Variants in SND1 observed in about 807,000 individuals in gnomAD.
SND1 encodes the protein staphylococcal nuclease domain-containing protein 1.
SND1 carries 38 observed loss-of-function variants against 121.7 expected under a neutral mutation model. The ratio of observed to expected loss-of-function variants is 0.31; its 90% CI spans 0.24 to 0.41. SND1 has a LOEUF of 0.41. Among genes scored for constraint, SND1 ranks in the 10% least tolerant of loss-of-function variants. The probability of loss-of-function intolerance (pLI) is 1.00; values close to 1 mark genes in which losing one functional copy is unlikely to be tolerated. For synonymous variants in SND1, 401 were observed against 447.4 expected (o/e 0.90, Z 1.31); for missense variants, 868 against 1,184.6 (o/e 0.73, Z 3.92).
chr7:128,028,577 T>A (rs908811046), intron 16 of SND1: 97 of 1,083,850 alleles, frequency 8.9e-5, no homozygotes, highest in Non-Finnish European at 1.2e-4. Flanking sequence ...ATAGACTTAA[T>A]ATATAAGCAT....
intron 16 of SND1, chr7:127,999,752 G>A (rs1802775992): frequency 6.6e-6 from 1 of 152,132 alleles, no homozygotes; most frequent in Non-Finnish European, 1.5e-5. Context: ...GCCACTCATG[G>A]TATTCGATAC....
chr7:127,708,620 T>C (rs1030754901), intron 9 of SND1, among the ~76,000 whole-genome samples: 1 of 152,024 alleles, frequency 6.6e-6, no homozygotes, highest in African/African-American at 2.4e-5. Context: ...GAGTTTTCCA[T>C]TGATATGTCT....
intron 11 of SND1, among the ~76,000 whole-genome samples, chr7:127,815,293 T>C (rs1170131757): frequency 6.6e-6 from 1 of 152,080 alleles, no homozygotes; most frequent in African/African-American, 2.4e-5. Flanking sequence ...TACTGGATTA[T>C]GATGGACCCT....
At chr7:128,002,679 G>A (rs1802864902) in intron 16 of SND1, among the ~76,000 whole-genome samples, 2 of 152,196 alleles carry the variant, frequency 1.3e-5, no homozygotes, top group South Asian at 4.1e-4. Context: ...TTTTTCTGTT[G>A]ATGCAGGTCC....
At chr7:127,773,258 T>C (rs1004065548) in intron 10 of SND1, among the ~76,000 whole-genome samples, 4 of 152,044 alleles carry the variant, frequency 2.6e-5, no homozygotes, top group African/African-American at 9.7e-5. Context: ...TCTAGACCAT[T>C]CTGTCCAACA....
chr7:127,694,706 C>T, intron 2 of SND1, 122 bp from the exon 3 acceptor site: 1 of 1,118,022 alleles, frequency 8.9e-7, no homozygotes, highest in Non-Finnish European at 1.3e-6. Context: ...TCTCAAGGTC[C>T]AGCGCAGGGC....
intron 10 of SND1, among the ~76,000 whole-genome samples, chr7:127,752,245 T>TG (rs1797109497): frequency 6.6e-6 from 1 of 152,170 alleles, no homozygotes; most frequent in Non-Finnish European, 1.5e-5. Flanking sequence ...TGGTGTCTTG[T>TG]GGTTTCAAAA....
intron 16 of SND1, among the ~76,000 whole-genome samples, chr7:128,046,369 T>G (rs557495773): frequency 1.4e-5 from 2 of 145,906 alleles, no homozygotes; most frequent in South Asian, 2.4e-4. Flanking sequence ...TGTTGTGTTT[T>G]TTTTTTTTTT....
chr7:127,767,765 G>A (rs765327624), intron 10 of SND1, among the ~76,000 whole-genome samples: 14 of 152,138 alleles, frequency 9.2e-5, no homozygotes, highest in Non-Finnish European at 2.1e-4. Flanking sequence ...TCATTCTAAA[G>A]AATCAATGGA....
chr7:127,686,555 T>G lies in SND1; in HGVS notation c.79-58T>G. ...GTTGGGGATACGGTGGTACACAACC[T>G]GCATTATGGTGATACGGCCTCTGGA... On this transcript the variant is annotated intron_variant, in intron 1 of 23. Transcript: ENST00000354725. 1.9e-6 allele frequency: 3 copies of G among 1,557,612 alleles called. No homozygotes were observed. In the South Asian group the frequency reaches 3.5e-5, roughly 18 times the overall value.
chr7:127,865,508 T>TAAAC (rs1040417206), intron 12 of SND1, among the ~76,000 whole-genome samples: 231 of 152,294 alleles, frequency 1.5e-3, no homozygotes, highest in African/African-American at 5.0e-3. Flanking sequence ...GGTACAAGAT[T>TAAAC]AAACAAACAA....
In SND1 at chr7:128,081,525, G is replaced by A. The variant is rs116267987; in HGVS notation, c.2110+24G>A. The A allele has an allele frequency of 9.3e-4, 1,495 of 1,612,296 alleles. 12 individuals are homozygous for A. The African/African-American group carries it at 0.018, about 20-fold the overall frequency. The stretch of plus-strand genomic sequence containing the variant: ...CGGTGAGTGCTCAGGCCGCTGGCTC[G>A]TGGTTCCTGGCTTGGTCCAGCTGGC... On this transcript the variant is annotated intron_variant, in intron 18 of 23. Coordinates refer to ENST00000354725, the MANE Select transcript of SND1 (RefSeq NM_014390.4).
intron 15 of SND1, among the ~76,000 whole-genome samples, chr7:127,964,498 T>C (rs2116875865): frequency 6.6e-6 from 1 of 151,354 alleles, no homozygotes; most frequent in East Asian, 1.9e-4. Flanking sequence ...CCAGCACCAT[T>C]TATTAAATAG....
At chr7:128,013,424 G>A (rs527804824) in intron 16 of SND1, among the ~76,000 whole-genome samples, 4 of 152,322 alleles carry the variant, frequency 2.6e-5, no homozygotes, top group African/African-American at 9.6e-5. Flanking sequence ...GTGAATCACC[G>A]AAGGGCTATG....
intron 10 of SND1, among the ~76,000 whole-genome samples, chr7:127,745,787 C>A (rs1796971396): frequency 6.6e-6 from 1 of 152,132 alleles, no homozygotes; most frequent in Non-Finnish European, 1.5e-5. Flanking sequence ...TTTGTGAACC[C>A]CTTCCCCTGA....
intron 14 of SND1, among the ~76,000 whole-genome samples, chr7:127,921,110 T>A (rs1439768097): frequency 1.3e-5 from 2 of 152,236 alleles, no homozygotes; most frequent in Admixed American, 1.3e-4. Flanking sequence ...CACATTAAGC[T>A]GTATCACATG....
Position 127,815,490 on chromosome 7 carries a change from TAGAAGAAGAAGGAGGAGGAGGAGGGG to T in SND1, c.1242+7927_1242+7952del, listed in dbSNP as rs1388932058. On this transcript the variant is annotated intron_variant, in intron 11 of 23. Transcript: ENST00000354725. ...GTGCAACAGAGTGAGACCCCAACTC[TAGAAGAAGAAGGAGGAGGAGGAGGGG>T]AGAAGAAGAGAAGGAGGAGGAGGAC... 6.6e-5 allele frequency among the ~76,000 whole-genome samples: 10 copies of T among 151,420 alleles called. No homozygotes were observed. The East Asian group carries it at 1.9e-3, about 29-fold the overall frequency.
Position 127,859,123 on chromosome 7 carries a change from T to TG in SND1, c.1343+14706dup, listed in dbSNP as rs200044497. ...TTCTGTCTTGGGATATGTGTTTGCA[T>TG]GGGGGGGTGGTTTTGTTTTGTTGTT... On this transcript the variant is annotated intron_variant, in intron 12 of 23. Coordinates refer to ENST00000354725, the MANE Select transcript of SND1 (RefSeq NM_014390.4). Among the ~76,000 whole-genome samples, 1,236 of 152,198 alleles carry TG rather than the reference T, an allele frequency of 8.1e-3. 20 individuals are homozygous for TG. The highest frequency in any genetic ancestry group is 0.027 in the African/African-American group (1,137 of 41,506).
intron 13 of SND1, among the ~76,000 whole-genome samples, chr7:127,898,763 T>G (rs1006174561): frequency 6.6e-6 from 1 of 152,164 alleles, no homozygotes; most frequent in Non-Finnish European, 1.5e-5. Context: ...TTTACAGTGG[T>G]CAAGCTTTGC....
Sources: gnomAD v4.1 joint callset for allele counts (sites outside exome capture counted in the v4.1 genomes callset) on GRCh38, gnomAD v4.1.1 for gene constraint, MANE v1.5 for transcripts, NCBI Gene and HGNC (gene_info 2026-07-23, HGNC 2026-07-21) for gene names.